Variants in RBM20 observed in about 807,000 individuals in gnomAD.
RBM20 encodes RNA binding motif protein 20.
In RBM20, 51 loss-of-function variants were observed where a neutral mutation model predicts 110.1. The ratio of observed to expected loss-of-function variants is 0.46; its 90% CI spans 0.37 to 0.59. The LOEUF (loss-of-function observed/expected upper bound fraction) is 0.59, where lower values mean the gene tolerates loss of function less well. RBM20 is among the 20% of genes least tolerant of loss of function. The pLI, the probability that RBM20 is intolerant of heterozygous loss-of-function variation, is 0.00. For missense variants in RBM20, 1,512 were observed against 1,574.9 expected (o/e 0.96, Z 0.68); for synonymous variants, 589 against 618.2 (o/e 0.95, Z 0.70).
At chr10:110,668,505 G>A (rs921388585) in intron 1 of RBM20, among the ~76,000 whole-genome samples, 2 of 152,112 alleles carry the variant, frequency 1.3e-5, no homozygotes, top group African/African-American at 4.8e-5. Context: ...GGTTGAAGGG[G>A]AGACACTGGA....
rs56842641 is a variant in RBM20, at chr10:110,833,390, G to GAAAA, written c.3573+2221_3573+2224dup. Among the ~76,000 whole-genome samples the GAAAA allele has an allele frequency of 1.3e-3, 80 of 62,218 alleles. 1 individual carries two copies. The highest frequency in any genetic ancestry group is 0.013 in the Middle Eastern group (1 of 76). 40.8% of individuals were successfully genotyped at this position (62,218 alleles called of 152,430 possible). A position where few individuals can be genotyped will look rare whatever the true frequency, so the allele number is the denominator to read the frequency against. On this transcript the variant is annotated intron_variant, in intron 13 of 13. Coordinates refer to ENST00000369519, the MANE Select transcript of RBM20 (RefSeq NM_001134363.3). The stretch of plus-strand genomic sequence containing the variant: ...GGTGACGGAGCGAAACTCTGTCTCA[G>GAAAA]AAAAAAAAAAAAAAAAGAAATGCAG...
intron 12 of RBM20, among the ~76,000 whole-genome samples, chr10:110,828,757 G>A (rs1845012530): frequency 6.6e-6 from 1 of 152,130 alleles, no homozygotes; most frequent in Non-Finnish European, 1.5e-5. Context: ...AAAGAGTTGG[G>A]TTTGCCTCTA....
chr10:110,804,546 C>A (rs1844671368), intron 7 of RBM20, among the ~76,000 whole-genome samples: 1 of 152,188 alleles, frequency 6.6e-6, no homozygotes, highest in Non-Finnish European at 1.5e-5. Flanking sequence ...TTTCTTCATG[C>A]ACATATCTTA....
At chr10:110,834,883 G>A (rs543640538) in intron 13 of RBM20, among the ~76,000 whole-genome samples, 3 of 152,300 alleles carry the variant, frequency 2.0e-5, no homozygotes, top group African/African-American at 7.2e-5. Flanking sequence ...TAGCCCAAGA[G>A]CAACCCAACC....
intron 1 of RBM20, among the ~76,000 whole-genome samples, chr10:110,704,147 T>C (rs928277567): frequency 1.3e-5 from 2 of 152,182 alleles, no homozygotes; most frequent in African/African-American, 4.8e-5. Context: ...TAATACAGTG[T>C]GTAACCTTTT....
intron 1 of RBM20, among the ~76,000 whole-genome samples, chr10:110,723,920 T>C (rs1393670789): frequency 1.3e-5 from 2 of 152,202 alleles, no homozygotes; most frequent in African/African-American, 2.4e-5. Flanking sequence ...ACTTCAATTA[T>C]AGGCTTATCT....
intron 1 of RBM20, among the ~76,000 whole-genome samples, chr10:110,653,713 G>A (rs116310098): frequency 0.036 from 5,395 of 151,940 alleles, 288 homozygotes; most frequent in African/African-American, 0.12. Flanking sequence ...GCACCACCAC[G>A]CTCTCCTAAT....
chr10:110,712,525 G>A (rs985047498), intron 1 of RBM20, among the ~76,000 whole-genome samples: 2 of 152,198 alleles, frequency 1.3e-5, no homozygotes, highest in Non-Finnish European at 2.9e-5. Flanking sequence ...CCAGCATTTT[G>A]GGAGGCCAAG....
At position 110,727,372 on chromosome 10, in the gene RBM20, C is replaced by T. The variant is rs1277292285; in HGVS notation, c.192-53429C>T. On this transcript the variant is annotated intron_variant, in intron 1 of 13. Transcript: ENST00000369519. Reference sequence around the variant, plus strand: ...TTTCCAAATGACTCTCCAGTTGTCACAATACTATTTATTAAAAAGTCCGTC... The same window carrying T: ...TTTCCAAATGACTCTCCAGTTGTCATAATACTATTTATTAAAAAGTCCGTC... Among the ~76,000 whole-genome samples, 5 of 133,100 alleles carry T rather than the reference C, an allele frequency of 3.8e-5. No individual in the cohort carries two copies. The South Asian group carries it at 9.2e-4, about 24-fold the overall frequency. The allele number at this position is 133,100 out of a possible 152,430, so 87.3% of individuals were successfully genotyped here. A position where few individuals can be genotyped will look rare whatever the true frequency, so the allele number is the denominator to read the frequency against.
intron 1 of RBM20, among the ~76,000 whole-genome samples, chr10:110,770,065 C>G (rs1844166165): frequency 6.6e-6 from 1 of 152,130 alleles, no homozygotes; most frequent in Middle Eastern, 3.2e-3. Context: ...TCAAAATACT[C>G]TAGTACAGCG....
chr10:110,709,997 C>T (rs1011862673), intron 1 of RBM20, among the ~76,000 whole-genome samples: 18 of 152,170 alleles, frequency 1.2e-4, no homozygotes, highest in African/African-American at 4.3e-4. Context: ...ATGTGCCCTC[C>T]TACACGTCCT....
At chr10:110,695,910 T>A (rs1317201941) in intron 1 of RBM20, among the ~76,000 whole-genome samples, 3 of 152,174 alleles carry the variant, frequency 2.0e-5, no homozygotes, top group African/African-American at 7.2e-5. Context: ...GTTAAACGAG[T>A]CACTGAAAGA....
At chr10:110,812,054 C>T (rs1391863248) in intron 8 of RBM20, among the ~76,000 whole-genome samples, 6 of 151,580 alleles carry the variant, frequency 4.0e-5, no homozygotes, top group Non-Finnish European at 5.9e-5. Flanking sequence ...AAAGGCACAG[C>T]GAGTGGCCAG....
chr10:110,693,598 A>G (rs1476148289), intron 1 of RBM20, among the ~76,000 whole-genome samples: 1 of 152,210 alleles, frequency 6.6e-6, no homozygotes, highest in Non-Finnish European at 1.5e-5. Context: ...TTCTTGTCTT[A>G]GAGTGAAACT....
intron 1 of RBM20, among the ~76,000 whole-genome samples, chr10:110,711,512 G>A (rs1290580028): frequency 1.3e-5 from 2 of 152,118 alleles, no homozygotes; most frequent in Non-Finnish European, 2.9e-5. Flanking sequence ...ACTGAGCTGA[G>A]TCTTAGAAAT....
At chr10:110,671,982 C>G (rs1862266292) in intron 1 of RBM20, among the ~76,000 whole-genome samples, 1 of 152,156 alleles carries the variant, frequency 6.6e-6, no homozygotes, top group Non-Finnish European at 1.5e-5. Context: ...GGCTCATAAT[C>G]AGCCACTTAG....
rs531558112 is a variant in RBM20, at chr10:110,690,769, C to T, written c.191+46124C>T. Among the ~76,000 whole-genome samples, 16 of 152,262 alleles carry T rather than the reference C, an allele frequency of 1.1e-4. No homozygotes were observed. The South Asian group carries it at 2.3e-3, about 22-fold the overall frequency. On this transcript the variant is annotated intron_variant, in intron 1 of 13. Transcript: ENST00000369519. ...AAATATACTTTGTAAGTACAATATA[C>T]GTATATATCACATTTTAGTTATCCA... is the stretch of plus-strand genomic sequence containing the variant.
At chr10:110,823,951 T>A (rs1261002943) in intron 12 of RBM20, among the ~76,000 whole-genome samples, 1 of 151,668 alleles carries the variant, frequency 6.6e-6, no homozygotes, top group African/African-American at 2.4e-5. Context: ...GGTCTTCACC[T>A]CCTGGGCTTA....
intron 1 of RBM20, among the ~76,000 whole-genome samples, chr10:110,779,283 G>A (rs926637892): frequency 6.6e-6 from 1 of 152,092 alleles, no homozygotes; most frequent in South Asian, 2.1e-4. Flanking sequence ...ATCACCAATG[G>A]CCAATGATTT....
Sources: allele counts gnomAD v4.1 joint callset (sites outside exome capture counted in the v4.1 genomes callset), GRCh38; gene constraint gnomAD v4.1.1; transcripts MANE v1.5; gene names NCBI Gene and HGNC (gene_info 2026-07-23, HGNC 2026-07-21).